Variants in PIGX observed in about 807,000 individuals in gnomAD.
PIGX encodes the protein phosphatidylinositol glycan anchor biosynthesis class X, also known as GPI alpha-1,4-mannosyltransferase I, stabilizing subunit.
Under a neutral mutation model 28.7 loss-of-function variants are expected in PIGX, and 24 were observed. The ratio of observed to expected loss-of-function variants is 0.84; its 90% CI spans 0.60 to 1.17. PIGX has a LOEUF of 1.17. PIGX is among the 50% of genes most tolerant of loss of function. The probability of loss-of-function intolerance (pLI) is 0.00; values close to 1 mark genes in which losing one functional copy is unlikely to be tolerated. For synonymous variants in PIGX, 127 were observed against 121.0 expected (o/e 1.05, Z -0.33); for missense variants, 305 against 317.8 (o/e 0.96, Z 0.31).
intron 2 of PIGX, among the ~76,000 whole-genome samples, chr3:196,717,650 TTTC>T: frequency 6.6e-6 from 1 of 152,222 alleles, no homozygotes; most frequent in East Asian, 1.9e-4. Flanking sequence ...TAGATGATTT[TTTC>T]TTATTTTTCA....
intron 2 of PIGX, among the ~76,000 whole-genome samples, chr3:196,720,678 A>G (rs768916143): frequency 6.6e-6 from 1 of 152,178 alleles, no homozygotes; most frequent in African/African-American, 2.4e-5. Flanking sequence ...TTGTCTAGCA[A>G]TCATATTTGA....
At chr3:196,732,341 G>A (rs1712844046) in intron 5 of PIGX, among the ~76,000 whole-genome samples, 1 of 141,486 alleles carries the variant, frequency 7.1e-6, no homozygotes, top group Non-Finnish European at 1.5e-5. Flanking sequence ...GAGTGCAGTG[G>A]CACGATCTCG....
Position 196,712,601 on chromosome 3 carries a change from G to A in PIGX, c.69G>A (p.Thr23=). The change falls in exon 1 of 6, where the codon ACG becomes ACA. Residue 23 remains threonine, a synonymous_variant. Transcript: ENST00000392391. ...TCCTCGGGGCGGCGACCGGGCTCAC[G>A]CGCGGGCCCGCCGCGGCCTTCACCG... is the stretch of plus-strand genomic sequence containing the variant. 4 of 1,191,022 alleles carry A rather than the reference G, an allele frequency of 3.4e-6. No individual in the cohort carries two copies. Among genetic ancestry groups the A allele is most frequent in the Non-Finnish European group, 4.2e-6 (4 of 961,678 alleles). The allele number at this position is 1,191,022 out of a possible 1,614,324, so 73.8% of individuals were successfully genotyped here.
intron 1 of PIGX, 178 bp downstream of exon 1, chr3:196,712,822 G>C (rs1229908705): frequency 9.1e-7 from 1 of 1,101,218 alleles, no homozygotes; most frequent in East Asian, 5.3e-5. Context: ...TTGCTCTGCG[G>C]CGGATCCCGG....
chr3:196,716,369 G>GA (rs1712098893), intron 1 of PIGX, among the ~76,000 whole-genome samples: 1 of 152,116 alleles, frequency 6.6e-6, no homozygotes, highest in Non-Finnish European at 1.5e-5. Context: ...TTGCCAGTAT[G>GA]TATCTATCTG....
chr3:196,727,933 T>C lies in PIGX; in HGVS notation c.329T>C (p.Val110Ala). The C allele has an allele frequency of 6.2e-7, 1 of 1,604,448 alleles. No individual in the cohort carries two copies. Among genetic ancestry groups the C allele is most frequent in the Non-Finnish European group, 8.5e-7 (1 of 1,172,368 alleles). ...TTTCTTTTTGAACAGGCAGTGATGG[T>C]TTCAGAAAATTTTGATATAGAGGCC... The change falls in exon 4 of 6, where the codon GTT (valine) becomes GCT (alanine). Residue 110 changes from valine (V) to alanine (A), a missense_variant. Val to Ala is a moderately conservative substitution (Grantham distance 64). Coordinates refer to ENST00000392391, the MANE Select transcript of PIGX (RefSeq NM_017861.4).
In PIGX at chr3:196,726,895, C is replaced by G. The variant is rs1303453812; in HGVS notation, c.319-1028C>G. ...AGGTATTCAAGCAGTGGCGGTATAC[C>G]TGAAAAATACCTTTGTTGGGACAGT... On this transcript the variant is annotated intron_variant, in intron 3 of 5. Coordinates refer to ENST00000392391, the MANE Select transcript of PIGX (RefSeq NM_017861.4). 1.8e-5 allele frequency: 4 copies of G among 219,390 alleles called. No individual in the cohort carries two copies. The Admixed American group carries it at 2.2e-4, about 12-fold the overall frequency. The allele number at this position is 219,390 out of a possible 1,614,324, so 13.6% of individuals were successfully genotyped here. A position where few individuals can be genotyped will look rare whatever the true frequency, so the allele number is the denominator to read the frequency against.
chr3:196,728,109 C>G lies in PIGX; in HGVS notation c.505C>G (p.Pro169Ala), dbSNP rs1460574197. The G allele has an allele frequency of 3.7e-6, 6 of 1,614,006 alleles. No individual in the cohort carries two copies. The highest frequency in any genetic ancestry group is 3.4e-6 in the Non-Finnish European group (4 of 1,179,938). Residue 169 changes from proline (P) to alanine (A), a missense_variant, in exon 4 of 6, where the codon CCA becomes GCA. Pro to Ala is a conservative substitution (Grantham distance 27). Transcript: ENST00000392391. Reference sequence around the variant, plus strand: ...AGAAGCCTCGATTGTGGTCAATAACCCAGATTTGTTGATGTTTTGTGACCA... The same window carrying G: ...AGAAGCCTCGATTGTGGTCAATAACGCAGATTTGTTGATGTTTTGTGACCA...
At chr3:196,716,253 C>T (rs1712093585) in intron 1 of PIGX, among the ~76,000 whole-genome samples, 2 of 144,394 alleles carry the variant, frequency 1.4e-5, no homozygotes, top group African/African-American at 5.2e-5. Flanking sequence ...CCTTTACGTG[C>T]CTCCAGCTTT....
chr3:196,721,246 T>A lies in PIGX; in HGVS notation c.177-1169T>A, dbSNP rs1045040017. 8.7e-6 allele frequency: 3 copies of A among 343,404 alleles called. No individual in the cohort carries two copies. The East Asian group carries it at 3.2e-4, about 36-fold the overall frequency. 21.3% of individuals were successfully genotyped at this position (343,404 alleles called of 1,614,324 possible). On this transcript the variant is annotated intron_variant, in intron 2 of 5. Transcript: ENST00000392391. Reference sequence around the variant, plus strand: ...GGCCATGGAGGCGGTTCCTTTTTTCTCCCTGGTCTTTTTTCCTCTCTGTGC... The same window carrying A: ...GGCCATGGAGGCGGTTCCTTTTTTCACCCTGGTCTTTTTTCCTCTCTGTGC...
At chr3:196,729,534 C>T (rs1221503457) in intron 4 of PIGX, among the ~76,000 whole-genome samples, 1 of 150,888 alleles carries the variant, frequency 6.6e-6, no homozygotes, top group African/African-American at 2.4e-5. Flanking sequence ...GGACTACAGG[C>T]TGCGCCACCA....
intron 1 of PIGX, among the ~76,000 whole-genome samples, chr3:196,713,647 G>T (rs766066810): frequency 4.6e-5 from 7 of 151,948 alleles, no homozygotes; most frequent in African/African-American, 7.3e-5. Flanking sequence ...ATCTGTAGAG[G>T]CTTCCAACGT....
At chr3:196,713,888 A>G (rs1711964613) in intron 1 of PIGX, among the ~76,000 whole-genome samples, 1 of 151,888 alleles carries the variant, frequency 6.6e-6, no homozygotes, top group Non-Finnish European at 1.5e-5. Flanking sequence ...CCAGTTCACC[A>G]CTACCAAAGT....
In PIGX at chr3:196,717,055, C is replaced by T. The variant is rs1577669719; in HGVS notation, c.176+134C>T. The T allele has an allele frequency of 8.8e-6, 5 of 569,904 alleles. No individual in the cohort carries two copies. In the East Asian group the frequency reaches 1.6e-4, roughly 19 times the overall value. The allele number at this position is 569,904 out of a possible 1,614,324, so 35.3% of individuals were successfully genotyped here. The stretch of plus-strand genomic sequence containing the variant: ...GTGGCTCTCATCTGTAATCCCAACA[C>T]TTTGGGAGGCCGAGGCAGGCGGATC... On this transcript the variant is annotated intron_variant, in intron 2 of 5. Coordinates refer to ENST00000392391, the MANE Select transcript of PIGX (RefSeq NM_017861.4).
intron 3 of PIGX, among the ~76,000 whole-genome samples, chr3:196,723,410 G>A (rs772986094): frequency 1.3e-5 from 2 of 152,134 alleles, no homozygotes; most frequent in South Asian, 2.1e-4. Context: ...AATTGGAAGA[G>A]CCAAAAAATG....
At position 196,716,898 on chromosome 3, in the gene PIGX, A is replaced by G. The variant is rs1278895274; in HGVS notation, c.153A>G (p.Glu51=). ...GTTCTGAAATTATTTTGAGGCAAGA[A>G]GTTTTGAAAGATGGTTTCCACAGGT... Residue 51 remains glutamate (E), a synonymous_variant, in exon 2 of 6, where the codon GAA becomes GAG. Coordinates refer to ENST00000392391, the MANE Select transcript of PIGX (RefSeq NM_017861.4). 6 of 1,604,150 alleles carry G rather than the reference A, an allele frequency of 3.7e-6. No individual in the cohort carries two copies. In the Admixed American group the frequency reaches 8.3e-5, roughly 22 times the overall value.
At chr3:196,725,498 T>C (rs1003038119) in intron 3 of PIGX, among the ~76,000 whole-genome samples, 8 of 152,110 alleles carry the variant, frequency 5.3e-5, no homozygotes, top group Admixed American at 2.0e-4. Context: ...AGTGGACTTT[T>C]TGAGTTGAGG....
rs1712963303 is a variant in PIGX at position 196,735,294 on chromosome 3, C to CAAAAAATAAAAA, written c.*1398_*1399insTAAAAAAAAAAA. The CAAAAAATAAAAA allele has an allele frequency of 2.2e-5, 1 of 45,222 alleles. No homozygotes were observed. Among genetic ancestry groups the CAAAAAATAAAAA allele is most frequent in the African/African-American group, 8.3e-5 (1 of 11,986 alleles). 2.8% of individuals were successfully genotyped at this position (45,222 alleles called of 1,614,324 possible). A position where few individuals can be genotyped will look rare whatever the true frequency, so the allele number is the denominator to read the frequency against. On this transcript the variant is annotated 3_prime_UTR_variant, in exon 6 of 6. Coordinates refer to ENST00000392391, the MANE Select transcript of PIGX (RefSeq NM_017861.4). ...TGGGCGACAGAGTGAGACTCTGTCT[C>CAAAAAATAAAAA]AAAAAAAAAAAAAAAAAAAAAAAAA...
chr3:196,716,773 T>C, intron 1 of PIGX, 85 bp from the exon 2 acceptor site: 1 of 607,406 alleles, frequency 1.6e-6, no homozygotes, highest in Non-Finnish European at 2.6e-6. Flanking sequence ...AAGTAAAGCC[T>C]ACTAAAATAA....
Sources: gnomAD v4.1 joint callset for allele counts (sites outside exome capture counted in the v4.1 genomes callset) on GRCh38, gnomAD v4.1.1 for gene constraint, MANE v1.5 for transcripts, NCBI Gene and HGNC (gene_info 2026-07-23, HGNC 2026-07-21) for gene names.